The following IL15 variants were observed in gnomAD, a reference collection of about 807,000 sequenced individuals.
IL15 encodes the protein interleukin 15.
In IL15, 11 loss-of-function variants were observed where a neutral mutation model predicts 19.6. That is an observed-to-expected ratio of 0.56 (90% CI 0.35 to 0.93). IL15 has a LOEUF of 0.93. Ranked by LOEUF, IL15 falls within the 40% of genes least tolerant of loss-of-function variation. IL15 has a pLI of 0.01. For synonymous variants in IL15, 58 were observed against 59.6 expected (o/e 0.97, Z 0.12); for missense variants, 197 against 186.5 (o/e 1.06, Z -0.33).
intron 2 of IL15, among the ~76,000 whole-genome samples, chr4:141,697,166 C>T (rs1199178056): frequency 6.6e-6 from 1 of 151,948 alleles, no homozygotes; most frequent in Non-Finnish European, 1.5e-5. Context: ...GTCTTTGATC[C>T]ATCTTGAGTT....
intron 2 of IL15, among the ~76,000 whole-genome samples, chr4:141,692,140 C>T (rs1464043351): frequency 6.6e-6 from 1 of 152,272 alleles, no homozygotes; most frequent in East Asian, 1.9e-4. Flanking sequence ...AAGCACGGCC[C>T]AAGCTGTGCC....
At chr4:141,649,853 G>A (rs1055001062) in intron 1 of IL15, among the ~76,000 whole-genome samples, 2 of 151,872 alleles carry the variant, frequency 1.3e-5, no homozygotes, top group African/African-American at 4.8e-5. Context: ...GTTCTGAGAA[G>A]AATAAAAATA....
intron 2 of IL15, among the ~76,000 whole-genome samples, chr4:141,684,287 T>G (rs1456265166): frequency 6.6e-6 from 1 of 152,208 alleles, no homozygotes; most frequent in African/African-American, 2.4e-5. Context: ...GAAGGGCTAT[T>G]TATCAGATTA....
At chr4:141,670,465 G>A (rs1728134343) in intron 2 of IL15, among the ~76,000 whole-genome samples, 1 of 152,074 alleles carries the variant, frequency 6.6e-6, no homozygotes, top group Non-Finnish European at 1.5e-5. Flanking sequence ...CAAATGAATG[G>A]CACAAACTGA....
At chr4:141,685,965 G>T (rs1056983755) in intron 2 of IL15, among the ~76,000 whole-genome samples, 5 of 152,084 alleles carry the variant, frequency 3.3e-5, no homozygotes, top group African/African-American at 1.2e-4. Context: ...AAACCTGTTT[G>T]ATATTATTTA....
chr4:141,683,949 C>T (rs906947149), intron 2 of IL15, among the ~76,000 whole-genome samples: 1 of 152,132 alleles, frequency 6.6e-6, no homozygotes, highest in African/African-American at 2.4e-5. Context: ...CTTTAGTAGA[C>T]AGGCTGAAAT....
chr4:141,678,111 C>G (rs1270599593), intron 2 of IL15, among the ~76,000 whole-genome samples: 1 of 152,152 alleles, frequency 6.6e-6, no homozygotes, highest in Non-Finnish European at 1.5e-5. Flanking sequence ...TATATTGCCT[C>G]AGAGGTCTCC....
At chr4:141,712,113 C>T (rs1213545754) in intron 2 of IL15, among the ~76,000 whole-genome samples, 1 of 152,024 alleles carries the variant, frequency 6.6e-6, no homozygotes, top group African/African-American at 2.4e-5. Context: ...TTGTTTCATT[C>T]TGTCTGTTGT....
Position 141,638,273 on chromosome 4 carries a change from C to A in IL15, c.-222+1525C>A, listed in dbSNP as rs531693146. Among the ~76,000 whole-genome samples the A allele has an allele frequency of 2.1e-3, 320 of 152,280 alleles. 3 individuals are homozygous for A. Among genetic ancestry groups the A allele is most frequent in the African/African-American group, 7.5e-3 (311 of 41,560 alleles). On this transcript the variant is annotated intron_variant, in intron 1 of 7. Transcript: ENST00000320650. ...AAAAGCTAGTTTTGCTTAAAGTTAA[C>A]AAGTATCATAGAGATCTTAAGGTTT...
intron 1 of IL15, among the ~76,000 whole-genome samples, chr4:141,650,901 G>A (rs1311998806): frequency 6.6e-6 from 1 of 152,014 alleles, no homozygotes; most frequent in East Asian, 1.9e-4. Context: ...GCAGAATCAA[G>A]CCTAGGGTCC....
At chr4:141,712,009 G>A (rs1287480463) in intron 2 of IL15, among the ~76,000 whole-genome samples, 3 of 152,018 alleles carry the variant, frequency 2.0e-5, no homozygotes, top group South Asian at 2.1e-4. Context: ...ATTTAAAATT[G>A]CTGTGTTTTT....
At chr4:141,702,963 G>A (rs1016199331) in intron 2 of IL15, among the ~76,000 whole-genome samples, 3 of 152,188 alleles carry the variant, frequency 2.0e-5, no homozygotes, top group African/African-American at 7.2e-5. Flanking sequence ...TGGTTTGCAG[G>A]CCACTAGGGT....
At chr4:141,646,892 C>T (rs1727243784) in intron 1 of IL15, among the ~76,000 whole-genome samples, 1 of 151,996 alleles carries the variant, frequency 6.6e-6, no homozygotes, top group Non-Finnish European at 1.5e-5. Flanking sequence ...TTGCTATATT[C>T]CCATCACCTA....
At chr4:141,643,884 T>C (rs764024700) in intron 1 of IL15, among the ~76,000 whole-genome samples, 1 of 151,812 alleles carries the variant, frequency 6.6e-6, no homozygotes, top group Non-Finnish European at 1.5e-5. Flanking sequence ...CCATCTCTGA[T>C]TGGATGTCTA....
intron 7 of IL15, among the ~76,000 whole-genome samples, chr4:141,731,576 G>A (rs937399689): frequency 7.9e-5 from 12 of 152,228 alleles, no homozygotes; most frequent in African/African-American, 2.7e-4. Context: ...ATGACAGAGT[G>A]TGACATACGT....
chr4:141,701,456 C>G (rs1397995141), intron 2 of IL15, among the ~76,000 whole-genome samples: 1 of 152,018 alleles, frequency 6.6e-6, no homozygotes, highest in Non-Finnish European at 1.5e-5. Flanking sequence ...TAGTTATGTA[C>G]TTGTTGTGTG....
rs765662590 is a variant in IL15 at position 141,732,858 on chromosome 4, A to G, written c.*10A>G. 1.2e-6 allele frequency: 2 copies of G among 1,604,642 alleles called. No individual in the cohort carries two copies. The highest frequency in any genetic ancestry group is 2.7e-5 in the African/African-American group (2 of 74,250). ...CATCAACACTTCTTGATTGCAATTGATTCTTTTTAAAGTGTTTCTGTTATT... is the reference window on the plus strand; with the variant it reads ...CATCAACACTTCTTGATTGCAATTGGTTCTTTTTAAAGTGTTTCTGTTATT... On this transcript the variant is annotated 3_prime_UTR_variant, in exon 8 of 8. Transcript: ENST00000320650.
chr4:141,723,793 A>G (rs918135736), intron 5 of IL15, among the ~76,000 whole-genome samples: 8 of 152,346 alleles, frequency 5.3e-5, no homozygotes, highest in African/African-American at 1.4e-4. Context: ...TGAGGAAAAC[A>G]TAATGTTCTT....
At position 141,721,210 on chromosome 4, in the gene IL15, A is replaced by G. The variant is rs768020726; in HGVS notation, c.110+644A>G. ...TTCATCATAAGACAGATTAGTGTTG[A>G]CTATCATGCTTCTGTGTAAGATCCA... is the stretch of plus-strand genomic sequence containing the variant. On this transcript the variant is annotated intron_variant, in intron 4 of 7. Transcript: ENST00000320650. 1.6e-5 allele frequency: 13 copies of G among 834,400 alleles called. 1 individual carries two copies. The South Asian group carries it at 1.8e-4, about 11-fold the overall frequency. The allele number at this position is 834,400 out of a possible 1,614,324, so 51.7% of individuals were successfully genotyped here. A position where few individuals can be genotyped will look rare whatever the true frequency, so the allele number is the denominator to read the frequency against.
Sources: gnomAD v4.1 joint callset for allele counts (sites outside exome capture counted in the v4.1 genomes callset) on GRCh38, gnomAD v4.1.1 for gene constraint, MANE v1.5 for transcripts, NCBI Gene and HGNC (gene_info 2026-07-23, HGNC 2026-07-21) for gene names.